CCNY: variants seen among roughly 807,000 people sequenced by gnomAD.
CCNY encodes cyclin Y.
CCNY carries 19 observed loss-of-function variants against 42.8 expected under a neutral mutation model. The ratio of observed to expected loss-of-function variants is 0.44; its 90% CI spans 0.31 to 0.65. The LOEUF (loss-of-function observed/expected upper bound fraction) is 0.65. Among genes scored for constraint, CCNY ranks in the 30% least tolerant of loss-of-function variants. CCNY has a pLI of 0.07. For missense variants in CCNY, 370 were observed against 437.3 expected, an observed-to-expected ratio of 0.85 and a Z score of 1.37; for synonymous variants, 165 against 162.7, an observed-to-expected ratio of 1.01 and a Z score of -0.11.
intron 1 of CCNY, among the ~76,000 whole-genome samples, chr10:35,369,508 G>T (rs1262512754): frequency 2.0e-5 from 3 of 152,112 alleles, no homozygotes; most frequent in African/African-American, 4.8e-5. Flanking sequence ...ACTTTTTATG[G>T]GTAAGAGTCA....
intron 1 of CCNY, among the ~76,000 whole-genome samples, chr10:35,381,883 A>G (rs1311985055): frequency 6.6e-6 from 1 of 152,232 alleles, no homozygotes; most frequent in East Asian, 1.9e-4. Context: ...GTGAAACAGA[A>G]TGCAAACCAT....
At chr10:35,526,934 A>G (rs2135419732) in intron 5 of CCNY, among the ~76,000 whole-genome samples, 1 of 152,304 alleles carries the variant, frequency 6.6e-6, no homozygotes, top group South Asian at 2.1e-4. Flanking sequence ...TAGTTTGGGA[A>G]CAAGCAGAGC....
chr10:35,499,872 T>G (rs556676970), intron 2 of CCNY, among the ~76,000 whole-genome samples: 103 of 152,340 alleles, frequency 6.8e-4, no homozygotes, highest in African/African-American at 2.4e-3. Flanking sequence ...CATATCCCCA[T>G]CCTTGGCTAC....
intron 1 of CCNY, among the ~76,000 whole-genome samples, chr10:35,471,209 G>A (rs774207157): frequency 1.9e-4 from 29 of 152,186 alleles, no homozygotes; most frequent in Middle Eastern, 3.4e-3. Flanking sequence ...ATTTATTGGA[G>A]TGATTATCAG....
chr10:35,285,217 TAG>T (rs759024269), intron 3 of CCNY, among the ~76,000 whole-genome samples: 51 of 152,040 alleles, frequency 3.4e-4, no homozygotes, highest in Non-Finnish European at 5.6e-4. Context: ...GTATTTTTTG[TAG>T]AGAGAGGGTT....
At chr10:35,270,027 T>C (rs1015602287) in intron 3 of CCNY, among the ~76,000 whole-genome samples, 3 of 152,170 alleles carry the variant, frequency 2.0e-5, no homozygotes, top group Non-Finnish European at 4.4e-5. Context: ...TCCAACAAGA[T>C]ATTCCTCATT....
intron 1 of CCNY, 84 bp downstream of exon 1, chr10:35,337,291 T>C (rs1370756353): frequency 5.3e-6 from 7 of 1,326,330 alleles, no homozygotes; most frequent in Non-Finnish European, 6.9e-6. Context: ...CTGCTCTTGC[T>C]TGCCCAGCCG....
upstream of CCNY, among the ~76,000 whole-genome samples, chr10:35,333,939 C>G (rs1179663921): frequency 6.6e-6 from 1 of 151,584 alleles, no homozygotes; most frequent in East Asian, 1.9e-4. Flanking sequence ...CCCGTCTTTT[C>G]TCTCCAGGAT....
intron 1 of CCNY, among the ~76,000 whole-genome samples, chr10:35,351,825 A>G (rs1836436063): frequency 6.6e-6 from 1 of 152,184 alleles, no homozygotes; most frequent in Non-Finnish European, 1.5e-5. Context: ...ATTTATAATA[A>G]GCCTGAAATC....
At chr10:35,278,349 C>A (rs747971098) in intron 3 of CCNY, among the ~76,000 whole-genome samples, 2 of 151,974 alleles carry the variant, frequency 1.3e-5, no homozygotes, top group Non-Finnish European at 2.9e-5. Context: ...CCAGAGGAAC[C>A]AAGGCCACTC....
rs1841644017 is a variant in CCNY at position 35,569,520 on chromosome 10, G to A, written c.*350G>A. 1 of 305,832 alleles carries A rather than the reference G, an allele frequency of 3.3e-6. No individual in the cohort carries two copies. Among genetic ancestry groups the A allele is most frequent in the South Asian group, 4.0e-5 (1 of 24,720 alleles). The allele number at this position is 305,832 out of a possible 1,614,324, so 18.9% of individuals were successfully genotyped here. A position where few individuals can be genotyped will look rare whatever the true frequency, so the allele number is the denominator to read the frequency against. On this transcript the variant is annotated 3_prime_UTR_variant, in exon 10 of 10. Coordinates refer to ENST00000374704, the MANE Select transcript of CCNY (RefSeq NM_145012.6). The stretch of plus-strand genomic sequence containing the variant: ...CCCCATGGGGGCGGTAGCTGAAGTT[G>A]GCGAGCGCAGCGGTGGATGCAGAGC...
intron 1 of CCNY, among the ~76,000 whole-genome samples, chr10:35,481,585 A>C (rs1279819625): frequency 6.6e-6 from 1 of 152,192 alleles, no homozygotes; most frequent in Admixed American, 6.5e-5. Flanking sequence ...GCTAGTCCAG[A>C]TGCTGTCTGA....
intron 8 of CCNY, among the ~76,000 whole-genome samples, chr10:35,560,399 A>G (rs1265343726): frequency 3.9e-5 from 6 of 152,190 alleles, no homozygotes; most frequent in African/African-American, 1.2e-4. Context: ...ACATTGGTTC[A>G]TTTGGGTGGG....
intron 1 of CCNY, among the ~76,000 whole-genome samples, chr10:35,344,444 C>T (rs1406683621): frequency 1.3e-5 from 2 of 152,190 alleles, no homozygotes; most frequent in African/African-American, 2.4e-5. Flanking sequence ...GTAATCCCAG[C>T]ACTTTGGGAG....
At chr10:35,274,609 C>T (rs1835215869) in intron 3 of CCNY, among the ~76,000 whole-genome samples, 1 of 152,174 alleles carries the variant, frequency 6.6e-6, no homozygotes, top group Non-Finnish European at 1.5e-5. Flanking sequence ...AGGTCATCAA[C>T]ATAGAGGACC....
intron 1 of CCNY, among the ~76,000 whole-genome samples, chr10:35,470,074 G>A (rs1402137911): frequency 6.7e-6 from 1 of 149,356 alleles, no homozygotes; most frequent in Admixed American, 6.7e-5. Flanking sequence ...ATGAGATAGG[G>A]CAATGGAGAG....
intron 1 of CCNY, among the ~76,000 whole-genome samples, chr10:35,401,881 A>T (rs1288398691): frequency 6.6e-6 from 1 of 152,212 alleles, no homozygotes; most frequent in African/African-American, 2.4e-5. Context: ...GGGCAGAAAC[A>T]AATCACAGTG....
chr10:35,370,981 C>T (rs548512407), intron 1 of CCNY, among the ~76,000 whole-genome samples: 1 of 152,150 alleles, frequency 6.6e-6, no homozygotes, highest in Non-Finnish European at 1.5e-5. Context: ...TCTCAAAGTG[C>T]TAGGATTAGA....
intron 3 of CCNY, among the ~76,000 whole-genome samples, chr10:35,275,726 G>A (rs1835231268): frequency 6.6e-6 from 1 of 151,414 alleles, no homozygotes; most frequent in African/African-American, 2.4e-5. Flanking sequence ...TCGCACCACT[G>A]CACTCCAGCC....
Sources: allele counts gnomAD v4.1 joint callset (sites outside exome capture counted in the v4.1 genomes callset), GRCh38; gene constraint gnomAD v4.1.1; transcripts MANE v1.5; gene names NCBI Gene and HGNC (gene_info 2026-07-23, HGNC 2026-07-21).